Variants in LEMD3 observed in about 807,000 individuals in gnomAD.
The protein encoded by LEMD3 is inner nuclear membrane protein Man1.
LEMD3 carries 33 observed loss-of-function variants against 95.2 expected under a neutral mutation model. The observed-to-expected ratio is 0.35, with a 90% CI of 0.26 to 0.46. LEMD3 has a LOEUF of 0.46. LEMD3 is among the 20% of genes least tolerant of loss of function. The probability of loss-of-function intolerance (pLI) is 1.00; values close to 1 mark genes in which losing one functional copy is unlikely to be tolerated. For missense variants in LEMD3, 1,210 were observed against 1,192.8 expected, an observed-to-expected ratio of 1.01 and a Z score of -0.21; for synonymous variants, 525 against 474.6, an observed-to-expected ratio of 1.11 and a Z score of -1.38.
chr12:65,180,046 G>T (rs530458534), intron 1 of LEMD3, among the ~76,000 whole-genome samples: 1 of 152,144 alleles, frequency 6.6e-6, no homozygotes, highest in South Asian at 2.1e-4. Flanking sequence ...CTAGGTTCAA[G>T]TGATTTTCCT....
intron 10 of LEMD3, among the ~76,000 whole-genome samples, chr12:65,244,049 G>A (rs1871017450): frequency 6.6e-6 from 1 of 152,156 alleles, no homozygotes; most frequent in Admixed American, 6.5e-5. Flanking sequence ...AGCTGTAATA[G>A]TTCTTAGAAT....
rs150015427 is a variant in LEMD3 at position 65,210,858 on chromosome 12, A to G, written c.1523-68A>G. 5.9e-5 allele frequency: 69 copies of G among 1,164,520 alleles called. No individual in the cohort carries two copies. The East Asian group carries it at 1.6e-3, about 27-fold the overall frequency. The allele number at this position is 1,164,520 out of a possible 1,614,324, so 72.1% of individuals were successfully genotyped here. ...AGCAAAGTACATGCTGGCATTTCAG[A>G]GAGTTTGTTTGGGGGATTTTAATTC... On this transcript the variant is annotated intron_variant, in intron 1 of 12. Coordinates refer to ENST00000308330, the MANE Select transcript of LEMD3 (RefSeq NM_014319.5).
intron 4 of LEMD3, among the ~76,000 whole-genome samples, chr12:65,221,736 CTTTTT>C (rs57423350): frequency 4.6e-4 from 59 of 127,232 alleles, no homozygotes; most frequent in African/African-American, 1.6e-3. Context: ...GAAAATCTCT[CTTTTT>C]TTTTTTTTTT....
intron 1 of LEMD3, among the ~76,000 whole-genome samples, chr12:65,206,292 G>T (rs1157027375): frequency 6.6e-6 from 1 of 152,068 alleles, no homozygotes; most frequent in Non-Finnish European, 1.5e-5. Context: ...CTGCCTAGAT[G>T]AATTTATTAA....
At position 65,238,599 on chromosome 12, in the gene LEMD3, C is replaced by T; in HGVS notation, c.1775+18C>T. On this transcript the variant is annotated intron_variant, in intron 5 of 12. Coordinates refer to ENST00000308330, the MANE Select transcript of LEMD3 (RefSeq NM_014319.5). The stretch of plus-strand genomic sequence containing the variant: ...GGAATAAGGTAAAGGATCTGATTTC[C>T]ACTTTGACCATTCTGTACTGGGAGA... 1 of 1,611,408 alleles carries T rather than the reference C, an allele frequency of 6.2e-7. No homozygotes were observed. Among genetic ancestry groups the T allele is most frequent in the Non-Finnish European group, 8.5e-7 (1 of 1,177,694 alleles).
chr12:65,207,881 A>G (rs1212710636), intron 1 of LEMD3, among the ~76,000 whole-genome samples: 1 of 152,144 alleles, frequency 6.6e-6, no homozygotes, highest in Non-Finnish European at 1.5e-5. Flanking sequence ...TTTCTGTGTA[A>G]GAGAATGGAA....
intron 1 of LEMD3, among the ~76,000 whole-genome samples, chr12:65,201,680 T>G (rs1346120074): frequency 1.3e-5 from 2 of 152,176 alleles, no homozygotes; most frequent in African/African-American, 4.8e-5. Context: ...GGAGTTTTTT[T>G]TGATCAGTTC....
At chr12:65,233,269 T>G (rs893538060) in intron 4 of LEMD3, among the ~76,000 whole-genome samples, 1 of 152,158 alleles carries the variant, frequency 6.6e-6, no homozygotes, top group Non-Finnish European at 1.5e-5. Context: ...TTCATAATCC[T>G]TAGCTCCAGC....
chr12:65,171,104 A>G lies in LEMD3; in HGVS notation c.1508A>G (p.Asp503Gly), dbSNP rs760247162. The G allele has an allele frequency of 9.3e-6, 15 of 1,612,074 alleles. No homozygotes were observed. The African/African-American group carries it at 2.0e-4, about 22-fold the overall frequency. Residue 503 changes from aspartate (D) to glycine (G), a missense_variant, in exon 1 of 13, where the codon GAT becomes GGT. Coordinates refer to ENST00000308330, the MANE Select transcript of LEMD3 (RefSeq NM_014319.5). ...LGMRGTGVSE[D>G]GELSIENPFG... ...ATGAGAGGGACAGGAGTATCTGAGG[A>G]TGGAGAACTCAGCAGTAAGTATTAA...
intron 1 of LEMD3, among the ~76,000 whole-genome samples, chr12:65,196,464 C>G (rs970812886): frequency 6.6e-6 from 1 of 151,800 alleles, no homozygotes; most frequent in Non-Finnish European, 1.5e-5. Context: ...TCACTCATTT[C>G]TCTAAAAAAA....
chr12:65,215,566 C>T (rs765972670), intron 2 of LEMD3, among the ~76,000 whole-genome samples: 1 of 152,120 alleles, frequency 6.6e-6, no homozygotes, highest in African/African-American at 2.4e-5. Context: ...TACTCATTCC[C>T]TTAGTTTTAT....
Position 65,169,874 on chromosome 12 carries a change from C to T in LEMD3, c.278C>T (p.Pro93Leu). 6.9e-7 allele frequency: 1 copy of T among 1,452,558 alleles called. No homozygotes were observed. The highest frequency in any genetic ancestry group is 2.8e-5 in the Admixed American group (1 of 35,196). 90.0% of individuals were successfully genotyped at this position (1,452,558 alleles called of 1,614,324 possible). The change falls in exon 1 of 13, where the codon CCG becomes CTG. Residue 93 changes from proline (P) to leucine (L), a missense_variant. Physicochemically the swap from Pro to Leu is moderately conservative, Grantham distance 98 (BLOSUM62 -3). Coordinates refer to ENST00000308330, the MANE Select transcript of LEMD3 (RefSeq NM_014319.5). ...AAAAAGMGVR[P>L]VSGDLSYLRT... is the part of the protein sequence containing the mutation. The stretch of plus-strand genomic sequence containing the variant: ...GCGGCCGCGGGGATGGGGGTCCGGC[C>T]GGTCTCGGGCGACCTCTCCTACTTA...
chr12:65,240,505 T>G, intron 8 of LEMD3: 1 of 458,102 alleles, frequency 2.2e-6, no homozygotes, highest in Non-Finnish European at 3.9e-6. Flanking sequence ...CTTATTTCCT[T>G]TAATTTCATC....
At chr12:65,186,651 C>G (rs565516309) in intron 1 of LEMD3, among the ~76,000 whole-genome samples, 34 of 54,506 alleles carry the variant, frequency 6.2e-4, no homozygotes, top group South Asian at 5.7e-4. Context: ...TTTTTTTTTT[C>G]GACACCTGTT....
intron 7 of LEMD3, 49 bp from the exon 8 acceptor site, chr12:65,240,087 T>A (rs753681806): frequency 6.4e-7 from 1 of 1,551,012 alleles, no homozygotes; most frequent in Non-Finnish European, 8.9e-7. Context: ...ATGATTAAAC[T>A]ACATTATGTC....
chr12:65,176,887 A>G (rs1868736913), intron 1 of LEMD3, among the ~76,000 whole-genome samples: 2 of 152,220 alleles, frequency 1.3e-5, no homozygotes, highest in South Asian at 4.1e-4. Flanking sequence ...ATCACATATC[A>G]GGTACTCAGG....
intron 1 of LEMD3, among the ~76,000 whole-genome samples, chr12:65,178,828 A>C (rs1193773120): frequency 6.6e-6 from 1 of 152,230 alleles, no homozygotes; most frequent in Non-Finnish European, 1.5e-5. Flanking sequence ...TGTATAAATA[A>C]GGACTTGATA....
chr12:65,182,248 C>T (rs1868931228), intron 1 of LEMD3, among the ~76,000 whole-genome samples: 1 of 152,022 alleles, frequency 6.6e-6, no homozygotes, highest in South Asian at 2.1e-4. Context: ...ATAAACACAA[C>T]CTCTGGGCCT....
At chr12:65,234,998 A>G (rs1201995074) in intron 4 of LEMD3, among the ~76,000 whole-genome samples, 2 of 152,186 alleles carry the variant, frequency 1.3e-5, no homozygotes, top group Admixed American at 6.5e-5. Context: ...TAGTAATGCA[A>G]AGCATGCCAT....
Sources: allele counts gnomAD v4.1 joint callset (sites outside exome capture counted in the v4.1 genomes callset), GRCh38; gene constraint gnomAD v4.1.1; transcripts MANE v1.5; gene names NCBI Gene and HGNC (gene_info 2026-07-23, HGNC 2026-07-21).